Variants in ADGRL2 observed in about 807,000 individuals in gnomAD.
The protein encoded by ADGRL2 is adhesion G protein-coupled receptor L2.
In ADGRL2, 44 loss-of-function variants were observed where a neutral mutation model predicts 157.4. The ratio of observed to expected loss-of-function variants is 0.28; its 90% confidence interval spans 0.22 to 0.36. The LOEUF is 0.36. Ranked by LOEUF, ADGRL2 falls within the 10% of genes least tolerant of loss-of-function variation. The pLI is 1.00. For missense variants in ADGRL2, 1,510 were observed against 1,768.9 expected, an observed-to-expected ratio of 0.85 and a Z score of 2.63; for synonymous variants, 585 against 624.7, an observed-to-expected ratio of 0.94 and a Z score of 0.95.
At chr1:81,661,100 C>T (rs1406478967) in intron 3 of ADGRL2, among the ~76,000 whole-genome samples, 1 of 152,164 alleles carries the variant, frequency 6.6e-6, no homozygotes, top group African/African-American at 2.4e-5. Flanking sequence ...ACCAGCTCCT[C>T]TTTTACTTTC....
intron 3 of ADGRL2, among the ~76,000 whole-genome samples, chr1:81,643,878 A>G (rs1346950431): frequency 6.6e-6 from 1 of 152,212 alleles, no homozygotes; most frequent in South Asian, 2.1e-4. Context: ...AATTCTGGCA[A>G]ATTATTTTGT....
chr1:81,725,568 A>C (rs2084495006), intron 1 of ADGRL2, among the ~76,000 whole-genome samples: 1 of 151,608 alleles, frequency 6.6e-6, no homozygotes, highest in African/African-American at 2.4e-5. Flanking sequence ...ATAAATAAAT[A>C]AACTTGCATT....
At chr1:81,585,199 A>G (rs530202358) in intron 3 of ADGRL2, among the ~76,000 whole-genome samples, 51 of 152,146 alleles carry the variant, frequency 3.4e-4, no homozygotes, top group Non-Finnish European at 7.1e-4. Flanking sequence ...CTAGACTCAC[A>G]TAAGGAAAGC....
intron 3 of ADGRL2, among the ~76,000 whole-genome samples, chr1:81,640,244 T>C (rs1158937363): frequency 6.6e-6 from 1 of 152,100 alleles, no homozygotes; most frequent in Non-Finnish European, 1.5e-5. Context: ...AAAATGATGG[T>C]AATTGAGAGT....
At chr1:81,530,541 G>T (rs2079571732) in intron 2 of ADGRL2, among the ~76,000 whole-genome samples, 1 of 151,868 alleles carries the variant, frequency 6.6e-6, no homozygotes, top group African/African-American at 2.4e-5. Context: ...TAGAGATGGG[G>T]TTTCACCATG....
intron 3 of ADGRL2, among the ~76,000 whole-genome samples, chr1:81,632,864 TA>T (rs1424668418): frequency 6.6e-6 from 1 of 152,004 alleles, no homozygotes; most frequent in African/African-American, 2.4e-5. Flanking sequence ...TCAGACATAG[TA>T]AGGTCTTTTA....
chr1:81,984,495 T>C, intron 19 of ADGRL2, 88 bp from the exon 20 acceptor site: 1 of 1,299,354 alleles, frequency 7.7e-7, no homozygotes, highest in African/African-American at 1.5e-5. Flanking sequence ...CTTTAATTCT[T>C]TTCGGTTGTC....
chr1:81,405,100 T>C (rs910155223), intron 1 of ADGRL2, among the ~76,000 whole-genome samples: 12 of 152,206 alleles, frequency 7.9e-5, no homozygotes, highest in African/African-American at 2.4e-5. Context: ...AGAGTACATA[T>C]ACTGCCCTGA....
At chr1:81,408,533 T>C (rs755058836) in intron 1 of ADGRL2, among the ~76,000 whole-genome samples, 4 of 152,168 alleles carry the variant, frequency 2.6e-5, no homozygotes, top group Non-Finnish European at 4.4e-5. Flanking sequence ...ACAAGCAGTT[T>C]AAAACTGGGA....
At chr1:81,557,513 G>GAAAGA (rs879415809) in intron 2 of ADGRL2, 1 of 136,578 alleles carries the variant, frequency 7.3e-6, no homozygotes, top group African/African-American at 2.6e-5. Flanking sequence ...AAGAAAGAAA[G>GAAAGA]AAAGAAAGAA....
At chr1:81,637,775 T>A (rs1170439540) in intron 3 of ADGRL2, among the ~76,000 whole-genome samples, 1 of 152,216 alleles carries the variant, frequency 6.6e-6, no homozygotes, top group Non-Finnish European at 1.5e-5. Context: ...TGAAAATTTT[T>A]TCTGTGGCAA....
intron 3 of ADGRL2, among the ~76,000 whole-genome samples, chr1:81,688,813 A>T (rs2083278992): frequency 6.6e-6 from 1 of 152,028 alleles, no homozygotes; most frequent in African/African-American, 2.4e-5. Context: ...ATCAGAGGGA[A>T]GGTCTAAGGC....
chr1:81,627,017 G>A (rs2081924312), intron 3 of ADGRL2, among the ~76,000 whole-genome samples: 1 of 152,018 alleles, frequency 6.6e-6, no homozygotes, highest in Non-Finnish European at 1.5e-5. Flanking sequence ...CTATAGTTAT[G>A]CCAAGCCAGG....
chr1:81,845,961 G>T (rs1457297657), intron 2 of ADGRL2, among the ~76,000 whole-genome samples: 2 of 151,478 alleles, frequency 1.3e-5, no homozygotes, highest in Admixed American at 1.3e-4. Context: ...TGTATATCTT[G>T]ATCTCAGTTA....
At chr1:81,945,489 G>A (rs1354600407) in intron 6 of ADGRL2, among the ~76,000 whole-genome samples, 2 of 152,106 alleles carry the variant, frequency 1.3e-5, no homozygotes, top group African/African-American at 4.8e-5. Context: ...TGTGAATAAA[G>A]TTGAGTATAA....
chr1:81,453,482 A>C (rs2077739545), intron 2 of ADGRL2, among the ~76,000 whole-genome samples: 1 of 152,188 alleles, frequency 6.6e-6, no homozygotes, highest in South Asian at 2.1e-4. Context: ...TAAGAGTTCT[A>C]GTGGTGGGGA....
intron 2 of ADGRL2, among the ~76,000 whole-genome samples, chr1:81,450,849 C>A (rs145665447): frequency 2.0e-5 from 3 of 152,120 alleles, no homozygotes; most frequent in African/African-American, 7.2e-5. Flanking sequence ...ATAAAACAGA[C>A]CCCATGCTAA....
At chr1:81,372,462 C>T (rs529226486) in intron 1 of ADGRL2, among the ~76,000 whole-genome samples, 1 of 152,284 alleles carries the variant, frequency 6.6e-6, no homozygotes, top group Non-Finnish European at 1.5e-5. Context: ...CCTCATGCCC[C>T]CATTTGCTAG....
At position 81,661,531 on chromosome 1, in the gene ADGRL2, G is replaced by A. The variant is rs534673348; in HGVS notation, c.-143+80551G>A. Among the ~76,000 whole-genome samples, 9 of 152,210 alleles carry A rather than the reference G, an allele frequency of 5.9e-5. No individual in the cohort carries two copies. In the South Asian group the frequency reaches 1.2e-3, roughly 21 times the overall value. ...GTGGAACAAGTTGTTTTGAATCAAC[G>A]ACATGCTTTCTAGGGCTAGGTAATC... On this transcript the variant is annotated intron_variant, in intron 3 of 24. Transcript: ENST00000370721.
Sources: gnomAD v4.1 joint callset for allele counts (sites outside exome capture counted in the v4.1 genomes callset) on GRCh38, gnomAD v4.1.1 for gene constraint, MANE v1.5 for transcripts, NCBI Gene and HGNC (gene_info 2026-07-23, HGNC 2026-07-21) for gene names.